Variants in MYBPC1 observed in about 807,000 individuals in gnomAD.
The protein encoded by MYBPC1 is myosin binding protein C1.
A neutral mutation model predicts 147.1 loss-of-function variants in MYBPC1; 52 were observed. The ratio of observed to expected loss-of-function variants is 0.35; its 90% confidence interval spans 0.28 to 0.45. The LOEUF (loss-of-function observed/expected upper bound fraction) is 0.45. MYBPC1 is among the 20% of genes least tolerant of loss of function. The probability of loss-of-function intolerance (pLI) is 1.00; values close to 1 mark genes in which losing one functional copy is unlikely to be tolerated. For synonymous variants in MYBPC1, 477 were observed against 475.9 expected (o/e 1.00, Z -0.03); for missense variants, 1,228 against 1,440.3 (o/e 0.85, Z 2.39).
At chr12:101,683,995 A>G (rs776991749) in intron 30 of MYBPC1, among the ~76,000 whole-genome samples, 10 of 152,082 alleles carry the variant, frequency 6.6e-5, no homozygotes, top group Non-Finnish European at 1.5e-4. Flanking sequence ...CACTTTGTCT[A>G]TTGTCTATGT....
At chr12:101,666,684 G>T (rs939829569) in intron 22 of MYBPC1, 7 of 1,411,492 alleles carry the variant, frequency 5.0e-6, no homozygotes, top group African/African-American at 2.8e-5. Context: ...CTGCTGATAC[G>T]ATATTATTCT....
the MYBPC1 span, among the ~76,000 whole-genome samples, chr12:101,692,770 T>A: frequency 6.6e-6 from 1 of 152,184 alleles, no homozygotes; most frequent in Non-Finnish European, 1.5e-5. Flanking sequence ...AAATCTCTAA[T>A]ATACTTTTTT....
chr12:101,607,177 C>T (rs1882552031), intron 1 of MYBPC1, among the ~76,000 whole-genome samples: 1 of 152,072 alleles, frequency 6.6e-6, no homozygotes, highest in African/African-American at 2.4e-5. Flanking sequence ...TGAATGTCCC[C>T]ATGAAAGCAA....
At chr12:101,631,435 C>T (rs1889864812) in intron 6 of MYBPC1, 136 bp from the exon 7 acceptor site, 16 of 1,023,542 alleles carry the variant, frequency 1.6e-5, no homozygotes, top group Admixed American at 5.4e-5. Context: ...AAAATCAGGA[C>T]GAATTCATTT....
chr12:101,620,217 C>G (rs2135906363), intron 3 of MYBPC1, among the ~76,000 whole-genome samples: 1 of 152,320 alleles, frequency 6.6e-6, no homozygotes, highest in South Asian at 2.1e-4. Context: ...GTGCAAATCT[C>G]CTTTAGAGGA....
At chr12:101,606,354 G>A (rs956758874) in intron 1 of MYBPC1, among the ~76,000 whole-genome samples, 1 of 152,004 alleles carries the variant, frequency 6.6e-6, no homozygotes, top group African/African-American at 2.4e-5. Context: ...GGCAAATAAT[G>A]TCTTAGCATT....
At chr12:101,630,925 C>A (rs1889752718) in intron 6 of MYBPC1, among the ~76,000 whole-genome samples, 1 of 152,166 alleles carries the variant, frequency 6.6e-6, no homozygotes, top group Non-Finnish European at 1.5e-5. Context: ...AGAATTACTT[C>A]TTTCCAGGCT....
At chr12:101,669,381 G>A (rs1228339225) in intron 23 of MYBPC1, among the ~76,000 whole-genome samples, 1 of 152,204 alleles carries the variant, frequency 6.6e-6, no homozygotes, top group African/African-American at 2.4e-5. Flanking sequence ...TGGATTTGCA[G>A]TGACATGCTC....
chr12:101,671,843 G>A (rs989508266), intron 24 of MYBPC1, among the ~76,000 whole-genome samples: 1 of 152,234 alleles, frequency 6.6e-6, no homozygotes, highest in African/African-American at 2.4e-5. Context: ...CCCCCAGGAA[G>A]GGAGATGAGA....
chr12:101,627,463 G>A (rs1272027701), intron 4 of MYBPC1, among the ~76,000 whole-genome samples: 1 of 152,044 alleles, frequency 6.6e-6, no homozygotes, highest in Non-Finnish European at 1.5e-5. Flanking sequence ...GACTGGTCTC[G>A]AACACCTGAC....
At chr12:101,607,986 A>G (rs533432228) in intron 1 of MYBPC1, among the ~76,000 whole-genome samples, 1 of 152,342 alleles carries the variant, frequency 6.6e-6, no homozygotes, top group South Asian at 2.1e-4. Context: ...TTTCTGCAGC[A>G]GCACAAAGGC....
intron 28 of MYBPC1, among the ~76,000 whole-genome samples, chr12:101,680,060 C>T (rs1426263058): frequency 6.6e-6 from 1 of 152,140 alleles, no homozygotes; most frequent in African/African-American, 2.4e-5. Context: ...AAAGTTTGCA[C>T]CCATGTAGAT....
At chr12:101,608,610 T>C (rs775397340) in intron 1 of MYBPC1, among the ~76,000 whole-genome samples, 4 of 152,236 alleles carry the variant, frequency 2.6e-5, no homozygotes, top group Non-Finnish European at 4.4e-5. Flanking sequence ...CAGCTAACCT[T>C]GTTGACAACA....
chr12:101,662,310 T>C, intron 20 of MYBPC1, 48 bp from the exon 21 acceptor site: 1 of 1,597,446 alleles, frequency 6.3e-7, no homozygotes, highest in Non-Finnish European at 8.6e-7. Context: ...CAATGTTTAA[T>C]TTCAGAGACC....
chr12:101,627,677 G>T, intron 4 of MYBPC1, 92 bp from the exon 5 acceptor site: 1 of 1,425,476 alleles, frequency 7.0e-7, no homozygotes, highest in Non-Finnish European at 9.9e-7. Flanking sequence ...GAGGAGACAG[G>T]GTTTAGGGGA....
At chr12:101,630,256 G>A (rs1191936057) in intron 6 of MYBPC1, among the ~76,000 whole-genome samples, 1 of 152,116 alleles carries the variant, frequency 6.6e-6, no homozygotes, top group African/African-American at 2.4e-5. Context: ...ATATTCCACT[G>A]TGTGTATACA....
chr12:101,674,209 C>G (rs1899345433), intron 25 of MYBPC1, among the ~76,000 whole-genome samples: 1 of 152,198 alleles, frequency 6.6e-6, no homozygotes, highest in South Asian at 2.1e-4. Flanking sequence ...CCAGCTGTCT[C>G]TTTCTCTTAG....
At chr12:101,641,337 A>T (rs1267191860) in intron 10 of MYBPC1, among the ~76,000 whole-genome samples, 1 of 152,208 alleles carries the variant, frequency 6.6e-6, no homozygotes, top group Non-Finnish European at 1.5e-5. Flanking sequence ...TAGTCATGTA[A>T]ATGTAAACAA....
intron 1 of MYBPC1, among the ~76,000 whole-genome samples, chr12:101,608,237 G>A (rs749691532): frequency 7.2e-5 from 11 of 152,238 alleles, no homozygotes; most frequent in Non-Finnish European, 1.5e-4. Flanking sequence ...GCCCAGGAAA[G>A]AGGGGGCTAG....
Sources: allele counts gnomAD v4.1 joint callset (sites outside exome capture counted in the v4.1 genomes callset), GRCh38; gene constraint gnomAD v4.1.1; transcripts MANE v1.5; gene names NCBI Gene and HGNC (gene_info 2026-07-23, HGNC 2026-07-21).